SLC8A3: variants seen among roughly 807,000 people sequenced by gnomAD.
The protein encoded by SLC8A3 is solute carrier family 8 member A3, also known as sodium/calcium exchanger 3.
Under a neutral mutation model 65.4 loss-of-function variants are expected in SLC8A3, and 37 were observed. The observed-to-expected ratio is 0.57, with a 90% CI of 0.44 to 0.74. SLC8A3 has a LOEUF of 0.74. SLC8A3 is among the 30% of genes least tolerant of loss of function. The pLI, the probability that SLC8A3 is intolerant of heterozygous loss-of-function variation, is 0.00. For missense variants in SLC8A3, 1,112 were observed against 1,172.1 expected, an observed-to-expected ratio of 0.95 and a Z score of 0.75; for synonymous variants, 461 against 444.5, an observed-to-expected ratio of 1.04 and a Z score of -0.47.
intron 2 of SLC8A3, among the ~76,000 whole-genome samples, chr14:70,118,141 G>A (rs1322501383): frequency 1.3e-5 from 2 of 151,714 alleles, no homozygotes; most frequent in East Asian, 3.9e-4. Context: ...TTAAAACAAG[G>A]TATTAAAAAG....
chr14:70,057,332 A>G (rs1346501225), intron 3 of SLC8A3, among the ~76,000 whole-genome samples: 1 of 152,110 alleles, frequency 6.6e-6, no homozygotes, highest in Non-Finnish European at 1.5e-5. Flanking sequence ...ATAGATAGAT[A>G]GATAGGCAAG....
intron 3 of SLC8A3, among the ~76,000 whole-genome samples, chr14:70,055,285 A>C (rs1887964165): frequency 6.6e-6 from 1 of 152,218 alleles, no homozygotes; most frequent in African/African-American, 2.4e-5. Flanking sequence ...AGCTGTGATG[A>C]GATGGAAGAT....
intron 3 of SLC8A3, chr14:70,059,374 C>T (rs778797450): frequency 1.3e-5 from 2 of 152,198 alleles, no homozygotes; most frequent in Non-Finnish European, 2.9e-5. Context: ...AGTATGATCA[C>T]CCCTTTTTGA....
At chr14:70,144,554 T>A (rs1483076775) in intron 2 of SLC8A3, among the ~76,000 whole-genome samples, 4 of 150,740 alleles carry the variant, frequency 2.7e-5, no homozygotes, top group South Asian at 2.1e-4. Flanking sequence ...CGCTTGAACC[T>A]GGAGGCAGAG....
chr14:70,133,889 T>C (rs1420587648), intron 2 of SLC8A3, among the ~76,000 whole-genome samples: 2 of 152,154 alleles, frequency 1.3e-5, no homozygotes, highest in African/African-American at 4.8e-5. Flanking sequence ...AGCCTAGATT[T>C]CACTCAAAGC....
intron 2 of SLC8A3, among the ~76,000 whole-genome samples, chr14:70,157,098 T>C (rs985462374): frequency 1.6e-4 from 24 of 152,290 alleles, no homozygotes; most frequent in African/African-American, 5.1e-4. Flanking sequence ...TATAGTGAGC[T>C]TGATGCATTT....
intron 2 of SLC8A3, among the ~76,000 whole-genome samples, chr14:70,162,950 G>T (rs1488072444): frequency 6.6e-6 from 1 of 152,138 alleles, no homozygotes; most frequent in Non-Finnish European, 1.5e-5. Flanking sequence ...AGCTCTCATT[G>T]CTCCTTTATT....
chr14:70,101,135 A>C (rs922252415), intron 2 of SLC8A3, among the ~76,000 whole-genome samples: 1 of 152,258 alleles, frequency 6.6e-6, no homozygotes, highest in Non-Finnish European at 1.5e-5. Context: ...GTATAAATAA[A>C]AGAGGCAGGA....
intron 2 of SLC8A3, among the ~76,000 whole-genome samples, chr14:70,094,514 T>C (rs1892022577): frequency 6.6e-6 from 1 of 152,242 alleles, no homozygotes; most frequent in Admixed American, 6.5e-5. Flanking sequence ...AAAAGAAATC[T>C]TGGGGGAAGA....
intron 5 of SLC8A3, 69 bp downstream of exon 5, chr14:70,050,939 G>A (rs996709834): frequency 1.4e-5 from 13 of 957,786 alleles, no homozygotes; most frequent in East Asian, 2.4e-5. Flanking sequence ...GGCTGTTAAC[G>A]TGGCTTTACG....
chr14:70,137,731 T>C (rs1341359367), intron 2 of SLC8A3, among the ~76,000 whole-genome samples: 1 of 151,448 alleles, frequency 6.6e-6, no homozygotes, highest in Admixed American at 6.6e-5. Context: ...CCAAATACAA[T>C]GATCTGCTCC....
intron 2 of SLC8A3, chr14:70,079,965 C>T (rs1014996980): frequency 8.0e-5 from 32 of 397,612 alleles, no homozygotes; most frequent in Non-Finnish European, 6.8e-6. Context: ...AATCTCTTAC[C>T]TCTTTGAGCT....
intron 2 of SLC8A3, among the ~76,000 whole-genome samples, chr14:70,104,583 G>T (rs1169313791): frequency 6.6e-6 from 1 of 151,954 alleles, no homozygotes; most frequent in Non-Finnish European, 1.5e-5. Context: ...CATTTCAAAA[G>T]GCTGAAACTT....
intron 3 of SLC8A3, chr14:70,059,355 A>G (rs1179432753): frequency 6.6e-6 from 1 of 152,190 alleles, no homozygotes; most frequent in African/African-American, 2.4e-5. Flanking sequence ...ATGAATATGA[A>G]CTAATTGCAG....
At chr14:70,145,506 C>T (rs550767704) in intron 2 of SLC8A3, among the ~76,000 whole-genome samples, 3 of 152,312 alleles carry the variant, frequency 2.0e-5, no homozygotes, top group Middle Eastern at 3.4e-3. Flanking sequence ...AATAGAAGCC[C>T]TGGCCCCCTC....
At chr14:70,058,943 G>A (rs1888460884) in intron 3 of SLC8A3, among the ~76,000 whole-genome samples, 1 of 152,208 alleles carries the variant, frequency 6.6e-6, no homozygotes, top group Non-Finnish European at 1.5e-5. Context: ...AAATGCTCAA[G>A]GGAGGTGGGA....
At chr14:70,099,110 A>G (rs2140098513) in intron 2 of SLC8A3, among the ~76,000 whole-genome samples, 1 of 152,230 alleles carries the variant, frequency 6.6e-6, no homozygotes, top group Admixed American at 6.5e-5. Flanking sequence ...CCAGGCCCTT[A>G]CCATTTTCTT....
intron 2 of SLC8A3, among the ~76,000 whole-genome samples, chr14:70,136,054 GAATA>G (rs575816442): frequency 1.9e-4 from 29 of 151,792 alleles, no homozygotes; most frequent in Non-Finnish European, 3.4e-4. Flanking sequence ...ATAAATAAAT[GAATA>G]AATAAATAAA....
At chr14:70,160,269 ACT>A in intron 2 of SLC8A3, among the ~76,000 whole-genome samples, 1 of 151,936 alleles carries the variant, frequency 6.6e-6, no homozygotes, top group Non-Finnish European at 1.5e-5. Context: ...ACATGGTGAA[ACT>A]CTGTCTCTAC....
Sources: gnomAD v4.1 joint callset for allele counts (sites outside exome capture counted in the v4.1 genomes callset) on GRCh38, gnomAD v4.1.1 for gene constraint, MANE v1.5 for transcripts, NCBI Gene and HGNC (gene_info 2026-07-23, HGNC 2026-07-21) for gene names.